The following AARSD1 variants were observed in gnomAD, a reference collection of about 807,000 sequenced individuals.
AARSD1 encodes the protein alanyl-tRNA editing protein Aarsd1.
A neutral mutation model predicts 48.7 loss-of-function variants in AARSD1; 44 were observed. The ratio of observed to expected loss-of-function variants is 0.90; its 90% CI spans 0.71 to 1.16. AARSD1 has a LOEUF of 1.16. Among genes scored for constraint, AARSD1 ranks in the 50% most tolerant of loss-of-function variants. The probability of loss-of-function intolerance (pLI) is 0.00; values close to 1 mark genes in which losing one functional copy is unlikely to be tolerated. For missense variants in AARSD1, 511 were observed against 523.1 expected (o/e 0.98, Z 0.23); for synonymous variants, 189 against 194.9 (o/e 0.97, Z 0.25).
intron 9 of AARSD1, 136 bp from the exon 10 acceptor site, chr17:42,953,914 A>G: frequency 1.8e-6 from 2 of 1,129,434 alleles, no homozygotes; most frequent in Non-Finnish European, 2.6e-6. Context: ...GCCAAGAGAG[A>G]GTACTGGCTG....
intron 11 of AARSD1, 134 bp downstream of exon 11, chr17:42,951,666 G>A (rs2049480475): frequency 2.2e-6 from 2 of 921,442 alleles, no homozygotes; most frequent in Non-Finnish European, 3.3e-6. Flanking sequence ...AATTATCTCT[G>A]CTCAGCCCAC....
chr17:42,960,446 A>G (rs1259650531), intron 3 of AARSD1, among the ~76,000 whole-genome samples: 1 of 151,516 alleles, frequency 6.6e-6, no homozygotes, highest in East Asian at 2.0e-4. Flanking sequence ...AAACAAACCA[A>G]CATGCTGGGG....
At chr17:42,961,952 A>G (rs1244481805) in intron 2 of AARSD1, among the ~76,000 whole-genome samples, 2 of 151,330 alleles carry the variant, frequency 1.3e-5, no homozygotes, top group Non-Finnish European at 2.9e-5. Context: ...GCAGTGTGCT[A>G]TGATTGCTCC....
At chr17:42,958,765 C>T (rs953062781) in intron 3 of AARSD1, among the ~76,000 whole-genome samples, 3 of 150,958 alleles carry the variant, frequency 2.0e-5, no homozygotes, top group African/African-American at 7.3e-5. Context: ...CAGGGTTTCA[C>T]CATGTTGACC....
intron 7 of AARSD1, chr17:42,955,527 C>T (rs543322818): frequency 1.6e-4 from 71 of 449,526 alleles, no homozygotes; most frequent in Non-Finnish European, 2.6e-4. Context: ...CAAGCTCCAC[C>T]TCCCGGGTTC....
Position 42,954,907 on chromosome 17 carries a change from G to A in AARSD1, c.922C>T (p.Pro308Ser). The A allele has an allele frequency of 6.2e-7, 1 of 1,614,092 alleles. No individual in the cohort carries two copies. The highest frequency in any genetic ancestry group is 8.5e-7 in the Non-Finnish European group (1 of 1,180,008). Residue 308 changes from proline (P) to serine (S), a missense_variant, in exon 9 of 12, where the codon CCA (proline) becomes TCA (serine). Transcript: ENST00000427569. ...VHIAHSLRNS[P>S]DWGGVVILHR... ...AATATGACCACACCTCCCCAGTCTG[G>A]ACTGTTCCTGAGGCTATGGGCAATG... is the stretch of plus-strand genomic sequence containing the variant.
chr17:42,956,461 T>C lies in AARSD1; in HGVS notation c.489A>G (p.Arg163=), dbSNP rs1369728915. 1 of 1,613,890 alleles carries C rather than the reference T, an allele frequency of 6.2e-7. No homozygotes were observed. The highest frequency in any genetic ancestry group is 1.3e-5 in the African/African-American group (1 of 74,874). Residue 163 remains arginine (R), a synonymous_variant, in exon 5 of 12, where the codon AGA becomes AGG. Coordinates refer to ENST00000427569, the MANE Select transcript of AARSD1 (RefSeq NM_001261434.2). Reference sequence around the variant, plus strand: ...CTCGGACATTCACAGGCAGCCGATCTCTGATTTTTTCATTGACGCTCTGCT... The same window carrying C: ...CTCGGACATTCACAGGCAGCCGATCCCTGATTTTTTCATTGACGCTCTGCT... ...AIEQSVNEKI[R]DRLPVNVREL... is the part of the protein sequence containing the mutation.
At chr17:42,956,935 G>C (rs1243335659) in intron 4 of AARSD1, among the ~76,000 whole-genome samples, 1 of 146,340 alleles carries the variant, frequency 6.8e-6, no homozygotes, top group East Asian at 2.0e-4. Context: ...CCAAAGTGCT[G>C]GGATTACAAG....
chr17:42,955,517 C>A (rs1477056017), intron 7 of AARSD1: 6 of 439,940 alleles, frequency 1.4e-5, no homozygotes. Flanking sequence ...TGGCTCACTG[C>A]AAGCTCCACC....
At chr17:42,957,492 T>C (rs1009346392) in intron 3 of AARSD1, 1 of 214,896 alleles carries the variant, frequency 4.7e-6, no homozygotes, top group Non-Finnish European at 9.2e-6. Flanking sequence ...TTTTTTTTTT[T>C]TTTTTTTTTG....
intron 3 of AARSD1, 167 bp from the exon 4 acceptor site, chr17:42,957,362 T>A: frequency 2.6e-6 from 2 of 776,948 alleles, no homozygotes; most frequent in Non-Finnish European, 3.9e-6. Context: ...CAATGAGAAT[T>A]CTGCAAGAGG....
chr17:42,954,926 G>A lies in AARSD1; in HGVS notation c.903C>T (p.Ala301=), dbSNP rs779723894. Residue 301 remains alanine, a synonymous_variant, in exon 9 of 12, where the codon GCC becomes GCT. Coordinates refer to ENST00000427569, the MANE Select transcript of AARSD1 (RefSeq NM_001261434.2). ...AGTCTGGACTGTTCCTGAGGCTATGGGCAATGTGCACAGCCAGGTCTCTGA... is the reference window on the plus strand; with the variant it reads ...AGTCTGGACTGTTCCTGAGGCTATGAGCAATGTGCACAGCCAGGTCTCTGA... ...NLLRDLAVHI[A]HSLRNSPDWG... is the part of the protein sequence containing the mutation. 3.7e-6 allele frequency: 6 copies of A among 1,614,000 alleles called. No individual in the cohort carries two copies. The African/African-American group carries it at 4.0e-5, about 11-fold the overall frequency.
intron 4 of AARSD1, 71 bp downstream of exon 4, chr17:42,957,067 T>A (rs1267901704): frequency 1.3e-6 from 2 of 1,580,410 alleles, no homozygotes; most frequent in Non-Finnish European, 8.6e-7. Context: ...CTCAAGCAAT[T>A]CTCCCACCTC....
intron 3 of AARSD1, among the ~76,000 whole-genome samples, chr17:42,958,661 CTCGGGT>C (rs1314765402): frequency 8.6e-5 from 13 of 150,418 alleles, no homozygotes; most frequent in African/African-American, 1.2e-4. Flanking sequence ...ACCTCTGCCT[CTCGGGT>C]TCAAGCGATT....
At chr17:42,950,761 G>A (rs994643363) in intron 11 of AARSD1, 33 bp from the exon 12 acceptor site, 2 of 1,579,176 alleles carry the variant, frequency 1.3e-6, no homozygotes, top group African/African-American at 1.4e-5. Context: ...GGGAGACTTT[G>A]AGGGAAAAGT....
chr17:42,956,286 C>T lies in AARSD1; in HGVS notation c.581G>A (p.Gly194Glu). ...SGRGLPDDHA[G>E]PIRVVNIEGV... ...CTCGATGTTAACAACCCGAATGGGC[C>T]CAGCATGATCATCAGGCAAACCCCG... The change falls in exon 6 of 12, where the codon GGG becomes GAG. Residue 194 changes from glycine (G) to glutamate (E), a missense_variant. Coordinates refer to ENST00000427569, the MANE Select transcript of AARSD1 (RefSeq NM_001261434.2). The T allele has an allele frequency of 6.2e-7, 1 of 1,614,074 alleles. No homozygotes were observed. Among genetic ancestry groups the T allele is most frequent in the Middle Eastern group, 1.6e-4 (1 of 6,062 alleles).
chr17:42,954,433 T>TC (rs1188475187), intron 9 of AARSD1, among the ~76,000 whole-genome samples: 1 of 90,938 alleles, frequency 1.1e-5, no homozygotes, highest in Non-Finnish European at 2.4e-5. Context: ...AACATATTTC[T>TC]TTTTTTTTTT....
chr17:42,954,728 C>T lies in AARSD1; in HGVS notation c.953+148G>A, dbSNP rs189398961. ...GATTACAGGCGTGAGCCACCGCGCC[C>T]GGCCAGTAACATATTTCTTAGGATC... On this transcript the variant is annotated intron_variant, in intron 9 of 11. Transcript: ENST00000427569. 97 of 857,636 alleles carry T rather than the reference C, an allele frequency of 1.1e-4. 1 individual carries two copies. In the East Asian group the frequency reaches 2.1e-3, roughly 19 times the overall value. The allele number at this position is 857,636 out of a possible 1,614,324, so 53.1% of individuals were successfully genotyped here.
At chr17:42,955,434 ATCT>A (rs2049534870) in intron 7 of AARSD1, 3 of 405,878 alleles carry the variant, frequency 7.4e-6, no homozygotes, top group East Asian at 5.1e-5. Context: ...AAAGCACTTG[ATCT>A]TTTTTTTTTT....
Sources: gnomAD v4.1 joint callset for allele counts (sites outside exome capture counted in the v4.1 genomes callset) on GRCh38, gnomAD v4.1.1 for gene constraint, MANE v1.5 for transcripts, NCBI Gene and HGNC (gene_info 2026-07-23, HGNC 2026-07-21) for gene names.